PPP1R16B: variants seen among roughly 807,000 people sequenced by gnomAD.
PPP1R16B encodes protein phosphatase 1 regulatory inhibitor subunit 16B.
PPP1R16B carries 14 observed loss-of-function variants against 61.7 expected under a neutral mutation model. The observed-to-expected ratio is 0.23, with a 90% CI of 0.15 to 0.35. The LOEUF is 0.35. PPP1R16B is among the 10% of genes least tolerant of loss of function. The probability of loss-of-function intolerance (pLI) is 1.00; values close to 1 mark genes in which losing one functional copy is unlikely to be tolerated. For synonymous variants in PPP1R16B, 266 were observed against 305.3 expected (o/e 0.87, Z 1.34); for missense variants, 547 against 752.5 (o/e 0.73, Z 3.19).
intron 2 of PPP1R16B, among the ~76,000 whole-genome samples, chr20:38,867,913 T>C (rs1054815292): frequency 6.6e-6 from 1 of 152,210 alleles, no homozygotes; most frequent in African/African-American, 2.4e-5. Context: ...CCTCAGGTGA[T>C]CCGCCCATCT....
intron 1 of PPP1R16B, among the ~76,000 whole-genome samples, chr20:38,819,366 A>G (rs1244868906): frequency 6.6e-6 from 1 of 152,174 alleles, no homozygotes; most frequent in Non-Finnish European, 1.5e-5. Flanking sequence ...ATATATTACT[A>G]GCTGGGCATG....
chr20:38,882,210 G>A (rs967717720), intron 2 of PPP1R16B, among the ~76,000 whole-genome samples: 8 of 152,176 alleles, frequency 5.3e-5, no homozygotes, highest in Non-Finnish European at 1.2e-4. Flanking sequence ...TGGGATCCTG[G>A]ACAGAGGGAC....
intron 1 of PPP1R16B, among the ~76,000 whole-genome samples, chr20:38,815,360 GCTAT>G (rs1451479578): frequency 7.9e-5 from 12 of 152,204 alleles, no homozygotes; most frequent in Non-Finnish European, 1.6e-4. Flanking sequence ...GATCTTTAAG[GCTAT>G]CTGATAGTCC....
chr20:38,856,395 CT>C (rs755261243), intron 2 of PPP1R16B, among the ~76,000 whole-genome samples: 3 of 152,128 alleles, frequency 2.0e-5, no homozygotes, highest in Non-Finnish European at 4.4e-5. Context: ...TAAACTCAGC[CT>C]AAGTCTGTAC....
At chr20:38,886,397 G>A (rs1049243986) in intron 2 of PPP1R16B, among the ~76,000 whole-genome samples, 2 of 152,188 alleles carry the variant, frequency 1.3e-5, no homozygotes, top group African/African-American at 4.8e-5. Flanking sequence ...TTTGGCAGCT[G>A]ATGCTTATTT....
chr20:38,814,080 A>G (rs1469520355), intron 1 of PPP1R16B, among the ~76,000 whole-genome samples: 4 of 152,154 alleles, frequency 2.6e-5, no homozygotes. Flanking sequence ...TACAGGCATG[A>G]GCCACTGTGT....
At chr20:38,808,174 C>G (rs115869353) in intron 1 of PPP1R16B, among the ~76,000 whole-genome samples, 1 of 152,160 alleles carries the variant, frequency 6.6e-6, no homozygotes, top group East Asian at 1.9e-4. Flanking sequence ...CTCACAACCC[C>G]GTGAAGTAGG....
At chr20:38,863,598 C>T (rs1454845899) in intron 2 of PPP1R16B, among the ~76,000 whole-genome samples, 2 of 152,200 alleles carry the variant, frequency 1.3e-5, no homozygotes, top group Non-Finnish European at 2.9e-5. Context: ...CTGGGCCAGT[C>T]GCTTTGCCTA....
At chr20:38,883,867 G>C (rs919867966) in intron 2 of PPP1R16B, among the ~76,000 whole-genome samples, 3 of 152,194 alleles carry the variant, frequency 2.0e-5, no homozygotes, top group Admixed American at 2.0e-4. Flanking sequence ...TGCCATGAGG[G>C]AGCACTGTTG....
intron 6 of PPP1R16B, 48 bp from the exon 7 acceptor site, chr20:38,905,921 T>C (rs368860026): frequency 3.9e-5 from 62 of 1,586,632 alleles, no homozygotes; most frequent in Non-Finnish European, 5.3e-5. Flanking sequence ...CTACCGTCAA[T>C]GTGGGGCTGA....
Position 38,848,161 on chromosome 20 carries a change from A to G in PPP1R16B, c.250+11986A>G, listed in dbSNP as rs555670588. Among the ~76,000 whole-genome samples, 19 of 152,346 alleles carry G rather than the reference A, an allele frequency of 1.2e-4. No homozygotes were observed. In the South Asian group the frequency reaches 3.9e-3, roughly 32 times the overall value. ...TAAAATATTTACTTTCTGGCCCTTT[A>G]TAGAAATACTTTATGGGCTCTTGCA... On this transcript the variant is annotated intron_variant, in intron 2 of 10. Coordinates refer to ENST00000299824, the MANE Select transcript of PPP1R16B (RefSeq NM_015568.4).
chr20:38,840,953 A>G (rs2084905515), intron 2 of PPP1R16B, among the ~76,000 whole-genome samples: 1 of 152,180 alleles, frequency 6.6e-6, no homozygotes, highest in South Asian at 2.1e-4. Context: ...TTGTTATTCT[A>G]CACTATTCTA....
chr20:38,812,557 G>T (rs1403868105), intron 1 of PPP1R16B, among the ~76,000 whole-genome samples: 1 of 152,156 alleles, frequency 6.6e-6, no homozygotes, highest in African/African-American at 2.4e-5. Flanking sequence ...AGGAAAGCAG[G>T]GGTCTCAATT....
intron 1 of PPP1R16B, among the ~76,000 whole-genome samples, chr20:38,827,548 T>C (rs2084812297): frequency 6.6e-6 from 1 of 152,176 alleles, no homozygotes; most frequent in Non-Finnish European, 1.5e-5. Context: ...GCTGGGAGAA[T>C]TGGAGTTACG....
chr20:38,848,805 A>G (rs1291816554), intron 2 of PPP1R16B, among the ~76,000 whole-genome samples: 1 of 152,110 alleles, frequency 6.6e-6, no homozygotes, highest in African/African-American at 2.4e-5. Context: ...CTGGGTCCCT[A>G]TTGGAGGGTG....
At chr20:38,865,409 C>T (rs534053337) in intron 2 of PPP1R16B, among the ~76,000 whole-genome samples, 1 of 152,028 alleles carries the variant, frequency 6.6e-6, no homozygotes, top group Non-Finnish European at 1.5e-5. Context: ...CCTGCCTCAG[C>T]CTTCCGAGTA....
At position 38,920,607 on chromosome 20, in the gene PPP1R16B, G is replaced by C. The variant is rs1378451909; in HGVS notation, c.*1941G>C. 5.9e-5 allele frequency: 9 copies of C among 152,748 alleles called. No individual in the cohort carries two copies. The highest frequency in any genetic ancestry group is 1.3e-4 in the Non-Finnish European group (9 of 68,488). 9.5% of individuals were successfully genotyped at this position (152,748 alleles called of 1,614,324 possible). On this transcript the variant is annotated 3_prime_UTR_variant, in exon 11 of 11. Coordinates refer to ENST00000299824, the MANE Select transcript of PPP1R16B (RefSeq NM_015568.4). The stretch of plus-strand genomic sequence containing the variant: ...ATGCTTTCCCAGGAGCAGGGCAGCT[G>C]GCTGGACCAGAAAGTAGAGGGCCCA...
chr20:38,852,393 T>C (rs2084974839), intron 2 of PPP1R16B, among the ~76,000 whole-genome samples: 1 of 152,244 alleles, frequency 6.6e-6, no homozygotes, highest in South Asian at 2.1e-4. Context: ...TGTGTTTTTA[T>C]GCAGCAGCCT....
At chr20:38,912,063 G>C (rs1410304650) in intron 10 of PPP1R16B, among the ~76,000 whole-genome samples, 3 of 150,948 alleles carry the variant, frequency 2.0e-5, no homozygotes, top group Admixed American at 6.6e-5. Flanking sequence ...TCCCATGGCA[G>C]AGTGTTTCTT....
Sources: gnomAD v4.1 joint callset for allele counts (sites outside exome capture counted in the v4.1 genomes callset) on GRCh38, gnomAD v4.1.1 for gene constraint, MANE v1.5 for transcripts, NCBI Gene and HGNC (gene_info 2026-07-23, HGNC 2026-07-21) for gene names.